The following AKAP6 variants were observed in gnomAD, a reference collection of about 807,000 sequenced individuals.
AKAP6 encodes the protein A-kinase anchor protein 6.
Under a neutral mutation model 188.5 loss-of-function variants are expected in AKAP6, and 58 were observed. The ratio of observed to expected loss-of-function variants is 0.31; its 90% CI spans 0.25 to 0.38. AKAP6 has a LOEUF of 0.38. AKAP6 is among the 10% of genes least tolerant of loss of function. AKAP6 has a pLI of 1.00. For missense variants in AKAP6, 2,710 were observed against 2,740.0 expected (o/e 0.99, Z 0.24); for synonymous variants, 989 against 998.6 (o/e 0.99, Z 0.18).
At chr14:32,779,401 C>G (rs1289660949) in intron 12 of AKAP6, among the ~76,000 whole-genome samples, 1 of 101,536 alleles carries the variant, frequency 9.8e-6, no homozygotes, top group African/African-American at 3.9e-5. Context: ...CAGAGTGAGA[C>G]TCTGTCTCAG....
intron 1 of AKAP6, among the ~76,000 whole-genome samples, chr14:32,367,942 C>G (rs547080232): frequency 1.9e-4 from 29 of 152,230 alleles, no homozygotes; most frequent in Non-Finnish European, 3.7e-4. Context: ...CAGTGCCTCA[C>G]AGACAACACA....
intron 5 of AKAP6, among the ~76,000 whole-genome samples, chr14:32,583,285 C>T (rs1254977153): frequency 8.5e-5 from 13 of 152,164 alleles, no homozygotes; most frequent in Non-Finnish European, 1.5e-4. Context: ...GTATCAGCAG[C>T]GGTGGCTGCA....
At chr14:32,499,924 A>G (rs1289361510) in intron 2 of AKAP6, among the ~76,000 whole-genome samples, 1 of 152,074 alleles carries the variant, frequency 6.6e-6, no homozygotes, top group Admixed American at 6.6e-5. Flanking sequence ...AAATATGTAC[A>G]TATGTACCTG....
intron 1 of AKAP6, among the ~76,000 whole-genome samples, chr14:32,388,387 C>A (rs1311118912): frequency 6.6e-6 from 1 of 151,694 alleles, no homozygotes; most frequent in Non-Finnish European, 1.5e-5. Context: ...TTGGTTATTT[C>A]CTTTCTTCTG....
At chr14:32,759,586 A>G (rs553590315) in intron 11 of AKAP6, among the ~76,000 whole-genome samples, 1 of 152,308 alleles carries the variant, frequency 6.6e-6, no homozygotes, top group Admixed American at 6.5e-5. Flanking sequence ...AAAAGAAAAA[A>G]GAGGTTTAAT....
At chr14:32,680,144 G>A (rs910543722) in intron 8 of AKAP6, among the ~76,000 whole-genome samples, 4 of 152,180 alleles carry the variant, frequency 2.6e-5, no homozygotes, top group Non-Finnish European at 5.9e-5. Context: ...GCATTGTTCT[G>A]TGAAGTGGGA....
intron 7 of AKAP6, among the ~76,000 whole-genome samples, chr14:32,638,018 G>A (rs1887585337): frequency 6.6e-6 from 1 of 152,090 alleles, no homozygotes; most frequent in Non-Finnish European, 1.5e-5. Flanking sequence ...CTCAGTATGA[G>A]TTTCAAAGGA....
At chr14:32,590,312 A>G (rs747168185) in intron 5 of AKAP6, among the ~76,000 whole-genome samples, 1 of 151,626 alleles carries the variant, frequency 6.6e-6, no homozygotes, top group Non-Finnish European at 1.5e-5. Context: ...CCCAACTCCT[A>G]GCCTTGCACA....
intron 11 of AKAP6, 102 bp downstream of exon 11, chr14:32,735,984 C>A (rs2031403495): frequency 1.2e-6 from 1 of 845,582 alleles, no homozygotes; most frequent in Non-Finnish European, 1.8e-6. Flanking sequence ...CTGTGTATCA[C>A]TGTGCACCTA....
intron 9 of AKAP6, among the ~76,000 whole-genome samples, chr14:32,717,807 G>C (rs2030306727): frequency 6.6e-6 from 1 of 152,086 alleles, no homozygotes; most frequent in South Asian, 2.1e-4. Context: ...ACTGTGAACT[G>C]TCATTCTTCT....
At chr14:32,776,296 T>G (rs1405779738) in intron 12 of AKAP6, among the ~76,000 whole-genome samples, 2 of 152,162 alleles carry the variant, frequency 1.3e-5, no homozygotes, top group East Asian at 1.9e-4. Context: ...TGGGGGTGGT[T>G]TCCCCCATAC....
chr14:32,675,617 C>T (rs1333634095), intron 7 of AKAP6, among the ~76,000 whole-genome samples: 1 of 152,112 alleles, frequency 6.6e-6, no homozygotes, highest in African/African-American at 2.4e-5. Flanking sequence ...CTATTTTTAT[C>T]ATCTCATTTG....
chr14:32,341,454 G>T (rs7146944), intron 1 of AKAP6, among the ~76,000 whole-genome samples: 5 of 151,960 alleles, frequency 3.3e-5, no homozygotes, highest in African/African-American at 4.8e-5. Flanking sequence ...CATTATCATA[G>T]CAATGTTAGT....
At chr14:32,557,818 TTTC>T (rs1453965062) in intron 4 of AKAP6, among the ~76,000 whole-genome samples, 1 of 152,182 alleles carries the variant, frequency 6.6e-6, no homozygotes, top group African/African-American at 2.4e-5. Flanking sequence ...TCCCATTGCT[TTTC>T]TTTACTTTTC....
At chr14:32,485,780 T>C (rs566887481) in intron 2 of AKAP6, among the ~76,000 whole-genome samples, 1 of 152,346 alleles carries the variant, frequency 6.6e-6, no homozygotes, top group African/African-American at 2.4e-5. Context: ...TTCACTCTGA[T>C]GATAATTCCT....
chr14:32,540,168 C>CTCTCTCTCTCTCTCTCTA (rs1240063339), intron 3 of AKAP6, among the ~76,000 whole-genome samples: 11 of 60,908 alleles, frequency 1.8e-4, no homozygotes, highest in African/African-American at 1.1e-3. Flanking sequence ...CTCTCTCTCT[C>CTCTCTCTCTCTCTCTCTA]TATATATATA....
rs1169818870 is a variant in AKAP6, at chr14:32,822,716, C to A, written c.4903C>A (p.Leu1635Ile). The change falls in exon 13 of 14, where the codon CTC (leucine) becomes ATC (isoleucine). Residue 1635 changes from leucine (L) to isoleucine (I), a missense_variant. Around this residue, in one of 2 missense-constraint regions of AKAP6, gnomAD observed 2,473 missense variants for 2,426.1 expected, o/e 1.02. Coordinates refer to ENST00000280979, the MANE Select transcript of AKAP6 (RefSeq NM_004274.5). ...TGAACTAAGTAAAAGAACATTAGAT[C>A]TCCTGAATCGTTTGGAGAATATCCA... ...VGELSKRTLD[L>I]LNRLENIQSP... 1 of 1,613,928 alleles carries A rather than the reference C, an allele frequency of 6.2e-7. No homozygotes were observed. Among genetic ancestry groups the A allele is most frequent in the Non-Finnish European group, 8.5e-7 (1 of 1,179,930 alleles).
At chr14:32,373,097 T>C (rs1566470444) in intron 1 of AKAP6, among the ~76,000 whole-genome samples, 1 of 147,486 alleles carries the variant, frequency 6.8e-6, no homozygotes, top group East Asian at 2.1e-4. Flanking sequence ...ATGGCTTTTT[T>C]GGGGGGGTGG....
At chr14:32,469,451 C>T (rs1878646769) in intron 2 of AKAP6, among the ~76,000 whole-genome samples, 1 of 152,146 alleles carries the variant, frequency 6.6e-6, no homozygotes, top group African/African-American at 2.4e-5. Flanking sequence ...TAGTAGAAAA[C>T]TTTTGAAAAC....
Sources: allele counts gnomAD v4.1 joint callset (sites outside exome capture counted in the v4.1 genomes callset), GRCh38; gene constraint gnomAD v4.1.1; regional missense constraint gnomAD v4.1.1; transcripts MANE v1.5; gene names NCBI Gene and HGNC (gene_info 2026-07-23, HGNC 2026-07-21).